Variants in NEK1 observed in about 807,000 individuals in gnomAD.
NEK1 encodes the protein serine/threonine-protein kinase Nek1.
NEK1 carries 137 observed loss-of-function variants against 182.1 expected under a neutral mutation model. That is an observed-to-expected ratio of 0.75 (90% CI 0.65 to 0.87). The LOEUF (loss-of-function observed/expected upper bound fraction) is 0.87, where lower values mean the gene tolerates loss of function less well. NEK1 is among the 40% of genes least tolerant of loss of function. The pLI is 0.00. For synonymous variants in NEK1, 513 were observed against 492.2 expected (o/e 1.04, Z -0.56); for missense variants, 1,391 against 1,494.4 (o/e 0.93, Z 1.14).
At chr4:169,501,827 T>C (rs896656922) in intron 23 of NEK1, among the ~76,000 whole-genome samples, 3 of 151,938 alleles carry the variant, frequency 2.0e-5, no homozygotes, top group African/African-American at 7.2e-5. Flanking sequence ...AACCTAATGC[T>C]GCACCTACAG....
At position 169,406,662 on chromosome 4, in the gene NEK1, T is replaced by G. The variant is rs1732680390; in HGVS notation, c.3308A>C (p.Asp1103Ala). The change falls in exon 32 of 36, where the codon GAC becomes GCC. Residue 1103 changes from aspartate (D) to alanine (A), a missense_variant. Physicochemically the swap from Asp to Ala is moderately radical, Grantham distance 126. This residue lies in a region of NEK1 where 1,216 missense variants were observed against 1,277.6 expected (regional missense o/e 0.95). Transcript: ENST00000507142. Reference sequence around the variant, plus strand: ...TTCAATTTCATCTATTTCAAGATTGTCTTGACGAACATCTCCTACGGTGGG... The same window carrying G: ...TTCAATTTCATCTATTTCAAGATTGGCTTGACGAACATCTCCTACGGTGGG... ...DVPTVGDVRQ[D>A]NLEIDEIEDE... is the part of the protein sequence containing the mutation. 1.2e-6 allele frequency: 2 copies of G among 1,609,338 alleles called. No homozygotes were observed. The highest frequency in any genetic ancestry group is 2.7e-5 in the African/African-American group (2 of 74,752).
At chr4:169,554,660 A>C (rs1306237332) in intron 18 of NEK1, 1 of 152,116 alleles carries the variant, frequency 6.6e-6, no homozygotes, top group Admixed American at 6.6e-5. Context: ...AAGAGTTGGG[A>C]GGGAGGTTGG....
chr4:169,593,784 C>T (rs1180220339), intron 5 of NEK1, among the ~76,000 whole-genome samples: 1 of 152,014 alleles, frequency 6.6e-6, no homozygotes, highest in Admixed American at 6.6e-5. Context: ...GTCAGGAGAT[C>T]GAGACCATCC....
chr4:169,538,908 C>G (rs755632369), intron 18 of NEK1, among the ~76,000 whole-genome samples: 3 of 152,080 alleles, frequency 2.0e-5, no homozygotes, highest in Non-Finnish European at 4.4e-5. Flanking sequence ...GCAACGATTA[C>G]TAACTGAAAC....
intron 2 of NEK1, among the ~76,000 whole-genome samples, chr4:169,607,493 C>T (rs1031991758): frequency 9.2e-5 from 14 of 151,888 alleles, no homozygotes; most frequent in African/African-American, 2.9e-4. Context: ...GACAGAGTCT[C>T]GCACTGTTGC....
intron 18 of NEK1, among the ~76,000 whole-genome samples, chr4:169,548,348 A>G (rs1450129470): frequency 1.3e-5 from 2 of 152,224 alleles, no homozygotes; most frequent in Non-Finnish European, 2.9e-5. Context: ...GCTTCGTCCC[A>G]AAGGGGCACC....
intron 27 of NEK1, among the ~76,000 whole-genome samples, chr4:169,455,690 C>G (rs1039502846): frequency 2.6e-5 from 4 of 152,092 alleles, no homozygotes; most frequent in African/African-American, 4.8e-5. Flanking sequence ...ACACTATACT[C>G]TCAGCATTGA....
intron 23 of NEK1, among the ~76,000 whole-genome samples, chr4:169,497,720 T>C (rs1751617552): frequency 6.6e-6 from 1 of 152,200 alleles, no homozygotes; most frequent in Non-Finnish European, 1.5e-5. Flanking sequence ...CGGTTTTGAG[T>C]GAGTGTCTTA....
intron 12 of NEK1, among the ~76,000 whole-genome samples, chr4:169,562,723 A>C (rs1763103388): frequency 6.6e-6 from 1 of 152,162 alleles, no homozygotes; most frequent in Admixed American, 6.5e-5. Flanking sequence ...TTTTACATAC[A>C]TGTAATATTA....
intron 12 of NEK1, among the ~76,000 whole-genome samples, chr4:169,568,476 G>A (rs1194445654): frequency 6.6e-6 from 1 of 151,898 alleles, no homozygotes; most frequent in Non-Finnish European, 1.5e-5. Context: ...ACATTTATAA[G>A]AATCCAACCC....
At chr4:169,578,260 T>C (rs754066380) in intron 11 of NEK1, among the ~76,000 whole-genome samples, 4 of 152,126 alleles carry the variant, frequency 2.6e-5, no homozygotes, top group Non-Finnish European at 5.9e-5. Context: ...GAGTAGAGTC[T>C]ACATAAACCC....
At chr4:169,530,007 T>C (rs931517027) in intron 19 of NEK1, among the ~76,000 whole-genome samples, 1 of 152,172 alleles carries the variant, frequency 6.6e-6, no homozygotes, top group Non-Finnish European at 1.5e-5. Flanking sequence ...AAGTTAAATG[T>C]ACACTTACAA....
chr4:169,451,398 T>C lies in NEK1; in HGVS notation c.2587+11845A>G, dbSNP rs1741742422. Among the ~76,000 whole-genome samples the C allele has an allele frequency of 2.6e-5, 4 of 152,148 alleles. No homozygotes were observed. In the South Asian group the frequency reaches 8.3e-4, roughly 32 times the overall value. ...CACATAATTGGAAGTAAAGCACTCC[T>C]CAGCAAATGTAAAATAACAGAAATC... On this transcript the variant is annotated intron_variant, in intron 27 of 35. Transcript: ENST00000507142.
chr4:169,473,217 G>C (rs886094200), intron 26 of NEK1, among the ~76,000 whole-genome samples: 3 of 149,738 alleles, frequency 2.0e-5, no homozygotes, highest in African/African-American at 7.4e-5. Flanking sequence ...AGTCAGCCAT[G>C]ACTGCAGCAC....
intron 12 of NEK1, among the ~76,000 whole-genome samples, chr4:169,569,624 T>C (rs1764327101): frequency 6.6e-6 from 1 of 152,110 alleles, no homozygotes; most frequent in Non-Finnish European, 1.5e-5. Context: ...GCCGAGTGCC[T>C]GCGATTGCAG....
chr4:169,441,018 T>C (rs73864620), intron 27 of NEK1, among the ~76,000 whole-genome samples: 2,009 of 152,272 alleles, frequency 0.013, 40 homozygotes, highest in African/African-American at 0.045. Context: ...TGTCCACCTA[T>C]AGATTTGCAA....
intron 16 of NEK1, among the ~76,000 whole-genome samples, chr4:169,560,200 C>T (rs1304751394): frequency 6.6e-6 from 1 of 152,126 alleles, no homozygotes; most frequent in Non-Finnish European, 1.5e-5. Flanking sequence ...TCTCACCAGG[C>T]AGAAATCAAG....
rs548819056 is a variant in NEK1, at chr4:169,402,434, T to C, written c.3375-574A>G. Among the ~76,000 whole-genome samples, 12 of 152,348 alleles carry C rather than the reference T, an allele frequency of 7.9e-5. No homozygotes were observed. In the East Asian group the frequency reaches 2.1e-3, roughly 27 times the overall value. ...TGAATAAAATGGTCACCAGAAATCT[T>C]ATCTTTAGATGCTTATTCTTAAAAA... On this transcript the variant is annotated intron_variant, in intron 32 of 35. Coordinates refer to ENST00000507142, the MANE Select transcript of NEK1 (RefSeq NM_001199397.3).
At chr4:169,411,692 T>C (rs959470950) in intron 31 of NEK1, among the ~76,000 whole-genome samples, 1 of 152,240 alleles carries the variant, frequency 6.6e-6, no homozygotes, top group Non-Finnish European at 1.5e-5. Flanking sequence ...ATTCTCTATC[T>C]CAACCTACTT....
Sources: gnomAD v4.1 joint callset for allele counts (sites outside exome capture counted in the v4.1 genomes callset) on GRCh38, gnomAD v4.1.1 for gene constraint, gnomAD v4.1.1 regional missense constraint, MANE v1.5 for transcripts, NCBI Gene and HGNC (gene_info 2026-07-23, HGNC 2026-07-21) for gene names.